Variants in KDM8 observed in about 807,000 individuals in gnomAD.
The protein encoded by KDM8 is bifunctional peptidase and arginyl-hydroxylase JMJD5.
A neutral mutation model predicts 46.9 loss-of-function variants in KDM8; 35 were observed. That is an observed-to-expected ratio of 0.75 (90% CI 0.57 to 0.99). KDM8 has a LOEUF of 0.99. Among genes scored for constraint, KDM8 ranks in the 50% least tolerant of loss-of-function variants. KDM8 has a pLI of 0.00. For synonymous variants in KDM8, 232 were observed against 227.7 expected, an observed-to-expected ratio of 1.02 and a Z score of -0.17; for missense variants, 475 against 537.0, an observed-to-expected ratio of 0.88 and a Z score of 1.14.
At chr16:27,206,478 G>A (rs1460983997) in intron 1 of KDM8, among the ~76,000 whole-genome samples, 1 of 152,104 alleles carries the variant, frequency 6.6e-6, no homozygotes, top group Non-Finnish European at 1.5e-5. Flanking sequence ...CACCATGTTG[G>A]CCAGGCTGGT....
intron 1 of KDM8, among the ~76,000 whole-genome samples, chr16:27,206,004 C>T (rs1461608461): frequency 2.0e-5 from 3 of 152,154 alleles, no homozygotes; most frequent in Non-Finnish European, 2.9e-5. Context: ...CCTAGAATAA[C>T]ACCAGTTTTT....
intron 2 of KDM8, chr16:27,211,544 TAG>T: frequency 4.9e-6 from 1 of 203,784 alleles, no homozygotes; most frequent in South Asian, 7.8e-5. Flanking sequence ...TCCTTGTCTG[TAG>T]AGTGGCAGAG....
intron 1 of KDM8, among the ~76,000 whole-genome samples, chr16:27,205,270 A>T (rs1487900633): frequency 6.6e-6 from 1 of 152,184 alleles, no homozygotes; most frequent in Non-Finnish European, 1.5e-5. Context: ...TTTTAGTCTT[A>T]TTTATAAATC....
chr16:27,209,952 G>T, intron 1 of KDM8, 141 bp from the exon 2 acceptor site: 1 of 834,892 alleles, frequency 1.2e-6, no homozygotes, highest in Non-Finnish European at 1.9e-6. Context: ...ACAGATGAGG[G>T]CCCTCCCCTC....
At position 27,214,115 on chromosome 16, in the gene KDM8, G is replaced by A. The variant is rs528416780; in HGVS notation, c.665+364G>A. ...CAAGAGACAGCCCCTCTCTCTCTGA[G>A]GGATTCTGTGGTCTCTTGTGTTTGT... is the stretch of plus-strand genomic sequence containing the variant. On this transcript the variant is annotated intron_variant, in intron 3 of 7. Coordinates refer to ENST00000286096, the MANE Select transcript of KDM8 (RefSeq NM_024773.3). 410 of 176,094 alleles carry A rather than the reference G, an allele frequency of 2.3e-3. 3 individuals carry two copies. Among genetic ancestry groups the A allele is most frequent in the African/African-American group, 9.6e-3 (407 of 42,226 alleles). The allele number at this position is 176,094 out of a possible 1,614,324, so 10.9% of individuals were successfully genotyped here.
Position 27,210,470 on chromosome 16 carries a change from T to G in KDM8, c.347T>G (p.Val116Gly). ...CAGGCACCTGAGGATGCCAACACTGTGGCCGCAGCCCTGCGGGTCTGTGAC... is the reference window on the plus strand; with the variant it reads ...CAGGCACCTGAGGATGCCAACACTGGGGCCGCAGCCCTGCGGGTCTGTGAC... ...LCQAPEDANT[V>G]AAALRVCDMG... The change falls in exon 2 of 8, where the codon GTG becomes GGG. Residue 116 changes from valine to glycine, a missense_variant. Physicochemically the swap from Val to Gly is moderately radical, Grantham distance 109 (BLOSUM62 -3). Transcript: ENST00000286096. 1 of 1,589,026 alleles carries G rather than the reference T, an allele frequency of 6.3e-7. No individual in the cohort carries two copies. The highest frequency in any genetic ancestry group is 8.6e-7 in the Non-Finnish European group (1 of 1,163,468).
At chr16:27,209,566 G>T (rs1567261941) in intron 1 of KDM8, among the ~76,000 whole-genome samples, 1 of 152,220 alleles carries the variant, frequency 6.6e-6, no homozygotes, top group East Asian at 1.9e-4. Flanking sequence ...CTGAGTGACT[G>T]CCATGAGGCA....
At chr16:27,219,222 T>A in intron 6 of KDM8, 112 bp downstream of exon 6, 1 of 1,195,792 alleles carries the variant, frequency 8.4e-7, no homozygotes, top group Non-Finnish European at 1.2e-6. Context: ...CAAGAAGCAC[T>A]GAAGGGGATG....
chr16:27,204,517 AT>A, intron 1 of KDM8: 1 of 288,064 alleles, frequency 3.5e-6, no homozygotes, highest in Non-Finnish European at 6.0e-6. Context: ...CATTGAGGAG[AT>A]TAGAGAACTG....
At chr16:27,203,924 G>A (rs2083400555) in intron 1 of KDM8, 3 of 536,166 alleles carry the variant, frequency 5.6e-6, no homozygotes, top group South Asian at 4.9e-5. Flanking sequence ...GGCCCTTACG[G>A]CGGGCTGCTG....
chr16:27,218,614 G>A (rs1182313949), intron 5 of KDM8, among the ~76,000 whole-genome samples: 1 of 152,242 alleles, frequency 6.6e-6, no homozygotes, highest in Non-Finnish European at 1.5e-5. Context: ...GGCCGAGGCG[G>A]GTGGATCAAT....
intron 5 of KDM8, among the ~76,000 whole-genome samples, chr16:27,217,759 A>G (rs1279085613): frequency 6.6e-6 from 1 of 152,194 alleles, no homozygotes; most frequent in African/African-American, 2.4e-5. Flanking sequence ...AGGTGCCTTC[A>G]GGCTGCGGAG....
chr16:27,216,050 C>G, intron 5 of KDM8, 61 bp downstream of exon 5: 1 of 1,573,520 alleles, frequency 6.4e-7, no homozygotes, highest in South Asian at 1.1e-5. Context: ...TCCTCCCCTC[C>G]TGGGCTCAGT....
At chr16:27,217,415 T>C (rs754067238) in intron 5 of KDM8, among the ~76,000 whole-genome samples, 2 of 152,176 alleles carry the variant, frequency 1.3e-5, no homozygotes, top group Non-Finnish European at 2.9e-5. Context: ...GAAATCCTGA[T>C]GATGTCATCA....
intron 1 of KDM8, among the ~76,000 whole-genome samples, chr16:27,208,132 C>T (rs906176199): frequency 6.6e-6 from 1 of 152,246 alleles, no homozygotes; most frequent in East Asian, 1.9e-4. Context: ...GTACAGCCAA[C>T]TCACAGTATT....
chr16:27,204,014 T>G (rs1945859762), intron 1 of KDM8: 1 of 1,237,522 alleles, frequency 8.1e-7, no homozygotes. Flanking sequence ...TATATGTGTG[T>G]CCGCTGCTTT....
intron 3 of KDM8, chr16:27,214,617 G>T (rs1256984392): frequency 2.3e-6 from 1 of 440,128 alleles, no homozygotes; most frequent in Non-Finnish European, 4.2e-6. Flanking sequence ...TTGGCAAGCA[G>T]GGAACTAGAG....
At chr16:27,213,517 T>C in intron 2 of KDM8, 68 bp from the exon 3 acceptor site, 1 of 1,547,706 alleles carries the variant, frequency 6.5e-7, no homozygotes, top group Non-Finnish European at 8.8e-7. Flanking sequence ...CACAGGTTCC[T>C]GGTGGAATAC....
At chr16:27,203,861 C>T (rs948823173) in intron 1 of KDM8, 5 of 440,720 alleles carry the variant, frequency 1.1e-5, no homozygotes, top group South Asian at 8.9e-5. Flanking sequence ...GGAAAGGTTC[C>T]GCGCGTGCGT....
Sources: gnomAD v4.1 joint callset for allele counts (sites outside exome capture counted in the v4.1 genomes callset) on GRCh38, gnomAD v4.1.1 for gene constraint, MANE v1.5 for transcripts, NCBI Gene and HGNC (gene_info 2026-07-23, HGNC 2026-07-21) for gene names.